MYH10: variants seen among roughly 807,000 people sequenced by gnomAD.
The protein encoded by MYH10 is myosin heavy chain 10.
MYH10 carries 55 observed loss-of-function variants against 257.8 expected under a neutral mutation model. The ratio of observed to expected loss-of-function variants is 0.21; its 90% CI spans 0.17 to 0.27. The LOEUF (loss-of-function observed/expected upper bound fraction) is 0.27, where lower values mean the gene tolerates loss of function less well. Among genes scored for constraint, MYH10 ranks in the 10% least tolerant of loss-of-function variants. The pLI, the probability that MYH10 is intolerant of heterozygous loss-of-function variation, is 1.00. For synonymous variants in MYH10, 854 were observed against 921.7 expected (o/e 0.93, Z 1.33); for missense variants, 1,631 against 2,500.6 (o/e 0.65, Z 7.42).
chr17:8,493,334 A>C (rs1409013322), intron 32 of MYH10, among the ~76,000 whole-genome samples: 1 of 150,962 alleles, frequency 6.6e-6, no homozygotes, highest in Non-Finnish European at 1.5e-5. Flanking sequence ...ACAAAGTGAG[A>C]CTCTATCTCA....
At chr17:8,517,303 C>T (rs1400314385) in intron 21 of MYH10, among the ~76,000 whole-genome samples, 1 of 152,142 alleles carries the variant, frequency 6.6e-6, no homozygotes, top group African/African-American at 2.4e-5. Context: ...CCTTTACCTT[C>T]TTCCGTTTAA....
chr17:8,629,969 G>T (rs1472782284), intron 1 of MYH10, among the ~76,000 whole-genome samples: 1 of 151,796 alleles, frequency 6.6e-6, no homozygotes, highest in Admixed American at 6.6e-5. Flanking sequence ...TTCCCCGGCC[G>T]CGCAGAGCCA....
intron 38 of MYH10, 129 bp downstream of exon 38, chr17:8,481,193 G>T: frequency 1.2e-6 from 1 of 854,318 alleles, no homozygotes; most frequent in Non-Finnish European, 1.8e-6. Context: ...TACCATGGCT[G>T]AGGCAGCCCA....
intron 40 of MYH10, among the ~76,000 whole-genome samples, chr17:8,479,230 T>C (rs758687089): frequency 2.7e-5 from 4 of 148,262 alleles, no homozygotes; most frequent in African/African-American, 1.0e-4. Context: ...GCAGCTCACA[T>C]TGAAAAAAAA....
chr17:8,526,848 T>A (rs2081863300), intron 17 of MYH10, among the ~76,000 whole-genome samples: 1 of 152,186 alleles, frequency 6.6e-6, no homozygotes, highest in East Asian at 1.9e-4. Flanking sequence ...AAGCTAGATC[T>A]TCAGAAATTC....
At chr17:8,602,890 G>A (rs993008977) in intron 3 of MYH10, among the ~76,000 whole-genome samples, 1 of 152,188 alleles carries the variant, frequency 6.6e-6, no homozygotes, top group Non-Finnish European at 1.5e-5. Flanking sequence ...TTTACCCAGT[G>A]CTTGACACAC....
chr17:8,592,225 A>G (rs528702388), intron 3 of MYH10, among the ~76,000 whole-genome samples: 2 of 152,342 alleles, frequency 1.3e-5, no homozygotes, highest in East Asian at 3.9e-4. Flanking sequence ...TTTTAAATCA[A>G]TGATCTGGGC....
chr17:8,544,964 GTGTTCTA>G (rs1008097765), intron 13 of MYH10, among the ~76,000 whole-genome samples: 1 of 152,132 alleles, frequency 6.6e-6, no homozygotes, highest in African/African-American at 2.4e-5. Context: ...CATCTTGCCC[GTGTTCTA>G]CTACAGTGGC....
chr17:8,574,567 G>A (rs1307682147), intron 6 of MYH10, among the ~76,000 whole-genome samples: 2 of 152,174 alleles, frequency 1.3e-5, no homozygotes, highest in Non-Finnish European at 2.9e-5. Flanking sequence ...AGAATGAGTA[G>A]ATAAACAAGC....
At chr17:8,624,260 C>T (rs2085587094) in intron 1 of MYH10, among the ~76,000 whole-genome samples, 1 of 152,068 alleles carries the variant, frequency 6.6e-6, no homozygotes, top group South Asian at 2.1e-4. Context: ...TAAGCTATGT[C>T]CCCTCCTCTA....
At chr17:8,548,831 A>G in intron 9 of MYH10, 44 bp from the exon 10 acceptor site, 1 of 1,527,172 alleles carries the variant, frequency 6.5e-7, no homozygotes, top group Middle Eastern at 1.7e-4. Context: ...AATACTCATG[A>G]AGACAACTAA....
At chr17:8,595,397 G>T (rs2152060263) in intron 3 of MYH10, among the ~76,000 whole-genome samples, 1 of 122,724 alleles carries the variant, frequency 8.1e-6, no homozygotes, top group African/African-American at 3.2e-5. Flanking sequence ...GTCTTTATTT[G>T]TATGCTGTCT....
At position 8,475,496 on chromosome 17, in the gene MYH10, T is replaced by C; in HGVS notation, c.*308A>G. ...ACCCAGCGACCCGCAACCAAGGGCC[T>C]GGAGTTTGTTTTAAAAAGGGTCTTA... is the stretch of plus-strand genomic sequence containing the variant. On this transcript the variant is annotated 3_prime_UTR_variant, in exon 43 of 43. Coordinates refer to ENST00000360416, the MANE Select transcript of MYH10 (RefSeq NM_001256012.3). 1 of 252,546 alleles carries C rather than the reference T, an allele frequency of 4.0e-6. No individual in the cohort carries two copies. Among genetic ancestry groups the C allele is most frequent in the Admixed American group, 5.0e-5 (1 of 20,066 alleles). 15.6% of individuals were successfully genotyped at this position (252,546 alleles called of 1,614,324 possible).
chr17:8,609,086 C>T (rs1490213252), intron 2 of MYH10, among the ~76,000 whole-genome samples: 1 of 152,206 alleles, frequency 6.6e-6, no homozygotes, highest in Non-Finnish European at 1.5e-5. Flanking sequence ...GCTGGGATTA[C>T]AGGCATGAGC....
At chr17:8,509,735 C>A in intron 25 of MYH10, 77 bp downstream of exon 25, 1 of 1,348,154 alleles carries the variant, frequency 7.4e-7, no homozygotes, top group Non-Finnish European at 9.8e-7. Flanking sequence ...AGTTCACTTT[C>A]AATGAGTGTA....
chr17:8,485,522 A>G (rs555298535), intron 36 of MYH10, among the ~76,000 whole-genome samples: 1 of 151,756 alleles, frequency 6.6e-6, no homozygotes, highest in Admixed American at 6.6e-5. Flanking sequence ...CATTTACTCA[A>G]AGAATTTATA....
intron 3 of MYH10, 78 bp downstream of exon 3, chr17:8,604,747 GA>G (rs1334562352): frequency 9.7e-7 from 1 of 1,029,652 alleles, no homozygotes; most frequent in African/African-American, 1.7e-5. Context: ...AACTTTTGTA[GA>G]ATACATTGAG....
intron 3 of MYH10, among the ~76,000 whole-genome samples, chr17:8,593,106 A>G (rs1159135362): frequency 2.0e-5 from 3 of 151,080 alleles, no homozygotes; most frequent in Admixed American, 2.0e-4. Context: ...ATCTGAATAG[A>G]TGTAAAAAAG....
intron 3 of MYH10, among the ~76,000 whole-genome samples, chr17:8,598,710 C>CTTTT (rs11442242): frequency 7.0e-6 from 1 of 142,812 alleles, no homozygotes; most frequent in Non-Finnish European, 1.5e-5. Flanking sequence ...CATTTTGTAC[C>CTTTT]TTTTTTTTTT....
Sources: allele counts gnomAD v4.1 joint callset (sites outside exome capture counted in the v4.1 genomes callset), GRCh38; gene constraint gnomAD v4.1.1; transcripts MANE v1.5; gene names NCBI Gene and HGNC (gene_info 2026-07-23, HGNC 2026-07-21).